LRRC28: variants seen among roughly 807,000 people sequenced by gnomAD.
LRRC28 encodes leucine-rich repeat-containing protein 28.
Under a neutral mutation model 45.7 loss-of-function variants are expected in LRRC28, and 39 were observed. The observed-to-expected ratio is 0.85, with a 90% confidence interval of 0.66 to 1.12. The LOEUF (loss-of-function observed/expected upper bound fraction) is 1.12. Ranked by LOEUF, LRRC28 falls within the 50% of genes most tolerant of loss-of-function variation. LRRC28 has a pLI of 0.00. For missense variants in LRRC28, 435 were observed against 438.5 expected, an observed-to-expected ratio of 0.99 and a Z score of 0.07; for synonymous variants, 206 against 178.8, an observed-to-expected ratio of 1.15 and a Z score of -1.22.
At chr15:99,275,428 C>T (rs111522854) in intron 2 of LRRC28, among the ~76,000 whole-genome samples, 4 of 152,222 alleles carry the variant, frequency 2.6e-5, no homozygotes, top group African/African-American at 9.7e-5. Flanking sequence ...CACATGAGCT[C>T]CAGCTTCCCC....
Position 99,387,084 on chromosome 15 carries a change from G to C in LRRC28, c.*982G>C, listed in dbSNP as rs917644719. ...GGTTTTTTTTTGTTGTTGTTGAGAC[G>C]GAGTCTCGCTCTGTCGCCCAGGCTG... is the stretch of plus-strand genomic sequence containing the variant. On this transcript the variant is annotated 3_prime_UTR_variant, in exon 10 of 10. Transcript: ENST00000301981. 5.3e-5 allele frequency: 8 copies of C among 151,652 alleles called. No homozygotes were observed. The highest frequency in any genetic ancestry group is 2.1e-4 in the South Asian group (1 of 4,780). The allele number at this position is 151,652 out of a possible 1,614,324, so 9.4% of individuals were successfully genotyped here.
At chr15:99,345,374 T>C (rs1956646326) in intron 6 of LRRC28, among the ~76,000 whole-genome samples, 1 of 152,208 alleles carries the variant, frequency 6.6e-6, no homozygotes, top group African/African-American at 2.4e-5. Flanking sequence ...TGAAAAAATA[T>C]TCCAAAGTGT....
chr15:99,296,413 C>T (rs960496692), intron 5 of LRRC28, among the ~76,000 whole-genome samples: 2 of 152,180 alleles, frequency 1.3e-5, no homozygotes, highest in African/African-American at 4.8e-5. Context: ...ATTCAAGGCT[C>T]TTCACCCCAC....
intron 3 of LRRC28, among the ~76,000 whole-genome samples, chr15:99,283,044 C>A (rs778169858): frequency 7.9e-5 from 12 of 151,968 alleles, no homozygotes; most frequent in Non-Finnish European, 1.5e-4. Flanking sequence ...AGGCATGTGC[C>A]ACCATGCCCA....
chr15:99,361,434 C>CGGA lies in LRRC28; in HGVS notation c.796_798dup (p.Glu266dup). On this transcript the variant is annotated inframe_insertion, in exon 8 of 10. Coordinates refer to ENST00000301981, the MANE Select transcript of LRRC28 (RefSeq NM_144598.5). ...CCAGCTGAGGTGAAGGCCATAGGGA[C>CGGA]GGAGCATGATCACGTCCTCCCTCTG... The CGGA allele has an allele frequency of 6.2e-7, 1 of 1,613,964 alleles. No homozygotes were observed. Among genetic ancestry groups the CGGA allele is most frequent in the Non-Finnish European group, 8.5e-7 (1 of 1,179,938 alleles).
chr15:99,288,116 T>G (rs867980346), intron 5 of LRRC28, among the ~76,000 whole-genome samples, 165 bp downstream of exon 5: 11 of 152,232 alleles, frequency 7.2e-5, no homozygotes, highest in Non-Finnish European at 2.9e-5. Flanking sequence ...AAGAGTCTTT[T>G]TTGTGATGCA....
At chr15:99,254,675 T>A (rs544323790) in intron 1 of LRRC28, among the ~76,000 whole-genome samples, 1 of 152,350 alleles carries the variant, frequency 6.6e-6, no homozygotes, top group East Asian at 1.9e-4. Context: ...CTTGCTTTTA[T>A]CCCTTGTGAA....
intron 2 of LRRC28, among the ~76,000 whole-genome samples, chr15:99,257,424 A>G (rs1490564339): frequency 5.3e-5 from 8 of 152,204 alleles, no homozygotes; most frequent in Admixed American, 4.6e-4. Context: ...CTTTATGTAT[A>G]AAGAAAAATT....
intron 5 of LRRC28, among the ~76,000 whole-genome samples, chr15:99,300,981 T>G (rs1036915500): frequency 6.6e-6 from 1 of 152,222 alleles, no homozygotes; most frequent in Non-Finnish European, 1.5e-5. Flanking sequence ...ATAATTTTTC[T>G]GTACAGCTCT....
chr15:99,264,522 G>A (rs2081283885), intron 2 of LRRC28, among the ~76,000 whole-genome samples: 1 of 152,194 alleles, frequency 6.6e-6, no homozygotes, highest in African/African-American at 2.4e-5. Flanking sequence ...TGGGGACCGA[G>A]CAATAGTGTA....
chr15:99,293,836 A>G (rs995392194), intron 5 of LRRC28, among the ~76,000 whole-genome samples: 1 of 152,036 alleles, frequency 6.6e-6, no homozygotes, highest in Admixed American at 6.5e-5. Flanking sequence ...TTCAGCCTGA[A>G]GTATTTCCTT....
intron 5 of LRRC28, among the ~76,000 whole-genome samples, chr15:99,312,768 A>G (rs750570403): frequency 1.3e-5 from 2 of 152,230 alleles, no homozygotes; most frequent in African/African-American, 4.8e-5. Context: ...TTTTAGCTAC[A>G]TTATAATTGT....
intron 5 of LRRC28, among the ~76,000 whole-genome samples, chr15:99,317,977 G>C (rs1445666684): frequency 2.0e-5 from 3 of 152,134 alleles, no homozygotes; most frequent in Non-Finnish European, 4.4e-5. Flanking sequence ...ATTCTGGTAT[G>C]TATTGACTGC....
chr15:99,306,800 C>A (rs1009897665), intron 5 of LRRC28, among the ~76,000 whole-genome samples: 2 of 151,972 alleles, frequency 1.3e-5, no homozygotes, highest in Non-Finnish European at 2.9e-5. Flanking sequence ...TTCTGTGTCA[C>A]GCTAACACTT....
At chr15:99,349,546 C>T (rs1440227040) in intron 6 of LRRC28, among the ~76,000 whole-genome samples, 1 of 152,118 alleles carries the variant, frequency 6.6e-6, no homozygotes, top group African/African-American at 2.4e-5. Context: ...TTTCTAACTA[C>T]GACTCAAACT....
At chr15:99,311,862 T>G (rs746845502) in intron 5 of LRRC28, among the ~76,000 whole-genome samples, 18 of 152,210 alleles carry the variant, frequency 1.2e-4, no homozygotes, top group Non-Finnish European at 1.0e-4. Flanking sequence ...TCTTAATTTC[T>G]TTTAAAAAAC....
intron 2 of LRRC28, among the ~76,000 whole-genome samples, chr15:99,269,643 T>C (rs2081421643): frequency 6.6e-6 from 1 of 152,220 alleles, no homozygotes; most frequent in South Asian, 2.1e-4. Context: ...CCTCAGGTAA[T>C]CCACCTCCCT....
At chr15:99,258,485 T>C (rs1273808000) in intron 2 of LRRC28, 1 of 775,336 alleles carries the variant, frequency 1.3e-6, no homozygotes, top group Non-Finnish European at 2.3e-6. Context: ...ACTGAAACTG[T>C]TAAGGAGCCA....
chr15:99,311,127 A>C (rs1055238365), intron 5 of LRRC28, among the ~76,000 whole-genome samples: 1 of 152,118 alleles, frequency 6.6e-6, no homozygotes, highest in Non-Finnish European at 1.5e-5. Context: ...CACAGAAAAG[A>C]TATATTTCAG....
Sources: allele counts gnomAD v4.1 joint callset (sites outside exome capture counted in the v4.1 genomes callset), GRCh38; gene constraint gnomAD v4.1.1; transcripts MANE v1.5; gene names NCBI Gene and HGNC (gene_info 2026-07-23, HGNC 2026-07-21).